Variants in PTGER3 observed in about 807,000 individuals in gnomAD.
The protein encoded by PTGER3 is prostaglandin E2 receptor EP3 subtype.
A neutral mutation model predicts 34.7 loss-of-function variants in PTGER3; 22 were observed. The ratio of observed to expected loss-of-function variants is 0.63; its 90% CI spans 0.45 to 0.91. The LOEUF is 0.91. Ranked by LOEUF, PTGER3 falls within the 40% of genes least tolerant of loss-of-function variation. PTGER3 has a pLI of 0.00. For missense variants in PTGER3, 468 were observed against 519.4 expected (o/e 0.90, Z 0.96); for synonymous variants, 241 against 230.1 (o/e 1.05, Z -0.43).
intron 4 of PTGER3, among the ~76,000 whole-genome samples, chr1:70,944,721 G>A (rs1015359825): frequency 6.6e-6 from 1 of 151,894 alleles, no homozygotes; most frequent in African/African-American, 2.4e-5. Flanking sequence ...TGCTGAGACT[G>A]AATGAAGATG....
chr1:70,995,029 T>G (rs1287471390), intron 2 of PTGER3, among the ~76,000 whole-genome samples: 2 of 152,030 alleles, frequency 1.3e-5, no homozygotes, highest in African/African-American at 2.4e-5. Context: ...CTCACTGTAA[T>G]ATAAGTAGAG....
intron 4 of PTGER3, among the ~76,000 whole-genome samples, chr1:70,929,253 T>C (rs1254819484): frequency 6.6e-6 from 1 of 152,192 alleles, no homozygotes; most frequent in Non-Finnish European, 1.5e-5. Flanking sequence ...TTTCCCCATT[T>C]ACCTTCAAAC....
chr1:71,019,474 G>C (rs1658208397), intron 1 of PTGER3, among the ~76,000 whole-genome samples: 1 of 152,146 alleles, frequency 6.6e-6, no homozygotes, highest in Non-Finnish European at 1.5e-5. Context: ...GTAATAGAGA[G>C]CTTCTTTATG....
chr1:71,025,576 A>T (rs1330156749), intron 1 of PTGER3, among the ~76,000 whole-genome samples: 6 of 152,174 alleles, frequency 3.9e-5, no homozygotes, highest in Non-Finnish European at 8.8e-5. Flanking sequence ...CTCCTTGCTT[A>T]TAGAAGTTTT....
At position 71,046,889 on chromosome 1, in the gene PTGER3, A is replaced by T; in HGVS notation, c.689T>A (p.Phe230Tyr). ...SSSHNWGNLFFASAFAFLGLL... is the reference protein window; with the variant it reads ...SSSHNWGNLFYASAFAFLGLL... ...CCCCAGGAAGGCAAAGGCAGAGGCGAAGAAAAGGTTGCCCCAGTTATGCGA... is the reference window on the plus strand; with the variant it reads ...CCCCAGGAAGGCAAAGGCAGAGGCGTAGAAAAGGTTGCCCCAGTTATGCGA... Residue 230 changes from phenylalanine to tyrosine, a missense_variant, in exon 1 of 4, where the codon TTC (phenylalanine) becomes TAC (tyrosine). By Grantham distance (22) the Phe-to-Tyr change is conservative (BLOSUM62 3). Transcript: ENST00000306666. The T allele has an allele frequency of 6.2e-7, 1 of 1,613,274 alleles. No homozygotes were observed. Among genetic ancestry groups the T allele is most frequent in the Non-Finnish European group, 8.5e-7 (1 of 1,179,688 alleles).
At chr1:70,984,317 A>G (rs1030317277) in intron 2 of PTGER3, among the ~76,000 whole-genome samples, 1 of 151,578 alleles carries the variant, frequency 6.6e-6, no homozygotes, top group African/African-American at 2.4e-5. Context: ...AACCAGAGAG[A>G]TGGAGATTGC....
intron 2 of PTGER3, among the ~76,000 whole-genome samples, chr1:70,962,276 G>A (rs1652008200): frequency 6.6e-6 from 1 of 152,140 alleles, no homozygotes; most frequent in Non-Finnish European, 1.5e-5. Flanking sequence ...TTTTCCTGGA[G>A]TTTCCAAGAT....
chr1:70,994,748 G>A (rs144107044), intron 2 of PTGER3, among the ~76,000 whole-genome samples: 4 of 152,268 alleles, frequency 2.6e-5, no homozygotes, highest in East Asian at 1.9e-4. Context: ...GAGCCATTGC[G>A]ACCAGCCAAA....
intron 2 of PTGER3, chr1:71,011,562 A>G (rs1657448862): frequency 1.0e-6 from 1 of 984,960 alleles, no homozygotes; most frequent in Non-Finnish European, 1.2e-6. Context: ...CAATTTGGGT[A>G]GTCACAAACT....
chr1:70,947,739 G>A (rs988881774), downstream of PTGER3, among the ~76,000 whole-genome samples: 6 of 152,094 alleles, frequency 3.9e-5, no homozygotes, highest in African/African-American at 7.2e-5. Flanking sequence ...TGCTGTTGGG[G>A]TCTGAATTTC....
chr1:70,857,533 A>G (rs899554179), intron 4 of PTGER3, among the ~76,000 whole-genome samples: 4 of 143,066 alleles, frequency 2.8e-5, no homozygotes, highest in African/African-American at 1.1e-4. Flanking sequence ...TTTCACTCTT[A>G]TTTATTTATT....
chr1:70,986,157 C>A (rs971477475), intron 2 of PTGER3, among the ~76,000 whole-genome samples: 1 of 152,100 alleles, frequency 6.6e-6, no homozygotes, highest in Non-Finnish European at 1.5e-5. Context: ...CAGGAAGTTA[C>A]CCTATATGGT....
intron 2 of PTGER3, among the ~76,000 whole-genome samples, chr1:70,957,775 A>T (rs1431784162): frequency 6.6e-6 from 1 of 152,140 alleles, no homozygotes; most frequent in East Asian, 1.9e-4. Context: ...TGTATTGTGT[A>T]ATACAACACC....
chr1:71,040,043 AAG>A (rs954655324), intron 1 of PTGER3, among the ~76,000 whole-genome samples: 16 of 151,616 alleles, frequency 1.1e-4, no homozygotes, highest in East Asian at 5.8e-4. Context: ...TTCAGAAAGA[AAG>A]AGAGAGAGAG....
intron 2 of PTGER3, among the ~76,000 whole-genome samples, chr1:70,984,560 A>C (rs1179614288): frequency 6.6e-6 from 1 of 151,980 alleles, no homozygotes; most frequent in Non-Finnish European, 1.5e-5. Context: ...CCAAAAAAGA[A>C]AGTTTTAAAT....
chr1:70,991,664 C>G (rs1326770911), intron 2 of PTGER3, among the ~76,000 whole-genome samples: 2 of 152,142 alleles, frequency 1.3e-5, no homozygotes, highest in Non-Finnish European at 2.9e-5. Context: ...CCTCCCAGCC[C>G]TTCGTGTCTT....
intron 2 of PTGER3, chr1:71,005,831 C>A: frequency 2.1e-6 from 2 of 953,680 alleles, no homozygotes; most frequent in Non-Finnish European, 2.5e-6. Flanking sequence ...GTGGAAATTT[C>A]GGGTGAGCCA....
At chr1:70,853,572 A>C (rs1454792495) in intron 4 of PTGER3, among the ~76,000 whole-genome samples, 2 of 152,214 alleles carry the variant, frequency 1.3e-5, no homozygotes, top group African/African-American at 4.8e-5. Context: ...TGCCAAAGAA[A>C]CATTATGAGT....
In PTGER3 at chr1:71,047,377, T is replaced by G. The variant is rs1178337986; in HGVS notation, c.201A>C (p.Ala67=). The G allele has an allele frequency of 6.2e-7, 1 of 1,611,140 alleles. No homozygotes were observed. Among genetic ancestry groups the G allele is most frequent in the Middle Eastern group, 1.7e-4 (1 of 6,058 alleles). ...TMLLTGFVGN[A]LAMLLVSRSY... is the part of the protein sequence containing the mutation. ...TGCGCGACACGAGCAGCATGGCCAG[T>G]GCGTTGCCCACGAAACCAGTGAGCA... Residue 67 remains alanine, a synonymous_variant, in exon 1 of 4, where the codon GCA becomes GCC. Coordinates refer to ENST00000306666, the MANE Select transcript of PTGER3 (RefSeq NM_198719.2).
Sources: gnomAD v4.1 joint callset for allele counts (sites outside exome capture counted in the v4.1 genomes callset) on GRCh38, gnomAD v4.1.1 for gene constraint, MANE v1.5 for transcripts, NCBI Gene and HGNC (gene_info 2026-07-23, HGNC 2026-07-21) for gene names.